Variants in NTM observed in about 807,000 individuals in gnomAD.
NTM encodes IgLON family member 2.
Under a neutral mutation model 42.1 loss-of-function variants are expected in NTM, and 13 were observed. The ratio of observed to expected loss-of-function variants is 0.31; its 90% CI spans 0.20 to 0.49. The LOEUF is 0.49. Among genes scored for constraint, NTM ranks in the 20% least tolerant of loss-of-function variants. The probability of loss-of-function intolerance (pLI) is 0.99; values close to 1 mark genes in which losing one functional copy is unlikely to be tolerated. For missense variants in NTM, 373 were observed against 452.8 expected (o/e 0.82, Z 1.60); for synonymous variants, 187 against 179.2 (o/e 1.04, Z -0.35).
intron 3 of NTM, among the ~76,000 whole-genome samples, chr11:132,170,445 C>T (rs1008420362): frequency 2.0e-5 from 3 of 152,214 alleles, no homozygotes; most frequent in East Asian, 3.8e-4. Flanking sequence ...ATTAGATCCA[C>T]ATATACACCT....
At chr11:132,222,496 A>C (rs777501475) in intron 4 of NTM, among the ~76,000 whole-genome samples, 1 of 152,040 alleles carries the variant, frequency 6.6e-6, no homozygotes, top group Non-Finnish European at 1.5e-5. Flanking sequence ...TCTTTGTGGG[A>C]GTTGGCATTC....
At position 132,003,225 on chromosome 11, in the gene NTM, T is replaced by A. The variant is rs891676797; in HGVS notation, c.167+91577T>A. 1.3e-5 allele frequency among the ~76,000 whole-genome samples: 2 copies of A among 151,686 alleles called. No individual in the cohort carries two copies. Among genetic ancestry groups the A allele is most frequent in the Non-Finnish European group, 2.9e-5 (2 of 68,006 alleles). On this transcript the variant is annotated intron_variant, in intron 2 of 8. Transcript: ENST00000683400. The surrounding 1 kb of genome is among the most constrained non-coding windows in gnomAD (Gnocchi z 6.0). ...CACCTGGAGGCTTGTTGAATCCGGATTCCTCCACCCACACCCTTAGAGTTT... is the reference window on the plus strand; with the variant it reads ...CACCTGGAGGCTTGTTGAATCCGGAATCCTCCACCCACACCCTTAGAGTTT...
intron 2 of NTM, among the ~76,000 whole-genome samples, chr11:132,070,822 G>A (rs1432881685): frequency 2.1e-5 from 3 of 140,904 alleles, no homozygotes; most frequent in South Asian, 2.5e-4. Context: ...TAGTTAACAC[G>A]TCACACAGCC....
At chr11:132,171,498 A>G (rs1387685761) in intron 3 of NTM, among the ~76,000 whole-genome samples, 1 of 152,036 alleles carries the variant, frequency 6.6e-6, no homozygotes, top group African/African-American at 2.4e-5. Flanking sequence ...AGCCTTTTTT[A>G]TAACGACACT....
At chr11:131,938,706 AGGT>A (rs1191295584) in intron 2 of NTM, among the ~76,000 whole-genome samples, 1 of 152,028 alleles carries the variant, frequency 6.6e-6, no homozygotes, top group Admixed American at 6.6e-5. Flanking sequence ...TGCCTATAAG[AGGT>A]GGTGGTGGTG....
intron 1 of NTM, chr11:131,671,334 C>T (rs2070188080): frequency 8.0e-6 from 6 of 747,340 alleles, no homozygotes; most frequent in Non-Finnish European, 9.8e-6. Context: ...CCTCCCCGCC[C>T]AACCCCATCA....
At chr11:131,407,311 A>C (rs927535907) in intron 1 of NTM, among the ~76,000 whole-genome samples, 2 of 152,234 alleles carry the variant, frequency 1.3e-5, no homozygotes, top group African/African-American at 4.8e-5. Context: ...CAGAAAAAAC[A>C]GTGTCACAAA....
chr11:131,802,361 G>T (rs972335275), intron 1 of NTM, among the ~76,000 whole-genome samples: 1 of 152,118 alleles, frequency 6.6e-6, no homozygotes, highest in Non-Finnish European at 1.5e-5. Flanking sequence ...CAGCATTTCA[G>T]CTACTTGGGG....
At chr11:131,795,584 G>A (rs1023073715) in intron 1 of NTM, 225 of 985,394 alleles carry the variant, frequency 2.3e-4, no homozygotes, top group Non-Finnish European at 2.6e-4. Flanking sequence ...GAGTCCCCGC[G>A]AGAACCCTGG....
chr11:131,608,482 T>C (rs961475880), intron 1 of NTM, among the ~76,000 whole-genome samples: 3 of 148,038 alleles, frequency 2.0e-5, no homozygotes, highest in Admixed American at 6.6e-5. Context: ...AAGAAAGTTC[T>C]TTTTTTTGGA....
chr11:132,197,846 G>C (rs1412780598), intron 3 of NTM, among the ~76,000 whole-genome samples: 3 of 151,974 alleles, frequency 2.0e-5, no homozygotes, highest in Non-Finnish European at 4.4e-5. Flanking sequence ...TTTTATGGCT[G>C]CATAGTATTC....
At chr11:131,473,291 T>C (rs1233737542) in intron 1 of NTM, among the ~76,000 whole-genome samples, 1 of 152,112 alleles carries the variant, frequency 6.6e-6, no homozygotes, top group East Asian at 1.9e-4. Context: ...GGCAGCTCCA[T>C]GTCCAAACAC....
chr11:131,661,318 T>C (rs1276369926), intron 1 of NTM: 3 of 206,968 alleles, frequency 1.4e-5, no homozygotes, highest in Non-Finnish European at 3.0e-5. Context: ...TTGCTGTGAG[T>C]AGGGCCTAGA....
At chr11:132,182,479 T>C (rs2077718752) in intron 3 of NTM, among the ~76,000 whole-genome samples, 1 of 152,172 alleles carries the variant, frequency 6.6e-6, no homozygotes, top group Non-Finnish European at 1.5e-5. Context: ...TAATAATACC[T>C]GCCACACAGG....
intron 2 of NTM, among the ~76,000 whole-genome samples, chr11:132,008,922 A>G (rs1455928836): frequency 6.7e-6 from 1 of 149,602 alleles, no homozygotes; most frequent in Non-Finnish European, 1.5e-5. Flanking sequence ...TTTTTAATTA[A>G]GAGCGAATGA....
intron 1 of NTM, among the ~76,000 whole-genome samples, chr11:131,492,536 A>G (rs1225503041): frequency 6.6e-6 from 1 of 152,178 alleles, no homozygotes; most frequent in Non-Finnish European, 1.5e-5. Flanking sequence ...TATGGCTCCA[A>G]ATTCACAAGC....
intron 1 of NTM, chr11:131,795,851 C>G: frequency 1.0e-6 from 1 of 985,260 alleles, no homozygotes; most frequent in Non-Finnish European, 1.2e-6. Flanking sequence ...CAAGAATGCA[C>G]AGGGTGCTCC....
chr11:131,512,366 T>G (rs1157574084), intron 1 of NTM, among the ~76,000 whole-genome samples: 1 of 152,254 alleles, frequency 6.6e-6, no homozygotes, highest in African/African-American at 2.4e-5. Flanking sequence ...AGACCACGTC[T>G]GCTCCCCTTG....
chr11:132,220,761 G>A (rs1592311389), intron 4 of NTM, among the ~76,000 whole-genome samples: 1 of 152,292 alleles, frequency 6.6e-6, no homozygotes, highest in Admixed American at 6.5e-5. Context: ...TTACCATGCA[G>A]AACTGTCTTG....
Sources: allele counts gnomAD v4.1 joint callset (sites outside exome capture counted in the v4.1 genomes callset), GRCh38; gene constraint gnomAD v4.1.1; non-coding constraint Gnocchi (gnomAD v3.1); transcripts MANE v1.5; gene names NCBI Gene and HGNC (gene_info 2026-07-23, HGNC 2026-07-21).